PPP1R10: variants seen among roughly 807,000 people sequenced by gnomAD.
PPP1R10 encodes serine/threonine-protein phosphatase 1 regulatory subunit 10.
PPP1R10 carries 15 observed loss-of-function variants against 99.0 expected under a neutral mutation model. The observed-to-expected ratio is 0.15, with a 90% CI of 0.10 to 0.23. The LOEUF (loss-of-function observed/expected upper bound fraction) is 0.23, where lower values mean the gene tolerates loss of function less well. PPP1R10 is among the 10% of genes least tolerant of loss of function. PPP1R10 has a pLI of 1.00. For synonymous variants in PPP1R10, 430 were observed against 449.5 expected (o/e 0.96, Z 0.55); for missense variants, 947 against 1,259.4 (o/e 0.75, Z 3.75).
chr6:30,601,966 C>T lies in PPP1R10; in HGVS notation c.2683G>A (p.Gly895Arg), dbSNP rs1803361346. The T allele has an allele frequency of 6.6e-7, 1 of 1,512,156 alleles. No homozygotes were observed. Among genetic ancestry groups the T allele is most frequent in the South Asian group, 1.3e-5 (1 of 74,740 alleles). 93.7% of individuals were successfully genotyped at this position (1,512,156 alleles called of 1,614,324 possible). The part of the protein sequence containing the change: ...GPGHGGGGHR[G>R]HDGGHSHGGD... ...CCATGGCTGTGGCCTCCATCGTGCC[C>T]TCGGTGGCCCCCTCCCCCGTGGCCA... is the stretch of plus-strand genomic sequence containing the variant. Residue 895 changes from glycine to arginine, a missense_variant, in exon 19 of 20, where the codon GGG (glycine) becomes AGG (arginine). Gly to Arg is a moderately radical substitution (Grantham distance 125, BLOSUM62 -2). Around this residue, in one of 10 missense-constraint regions of PPP1R10, gnomAD observed 525 missense variants for 578.8 expected, o/e 0.91. Transcript: ENST00000376511.
At chr6:30,607,748 G>T in intron 6 of PPP1R10, 92 bp downstream of exon 6, 1 of 1,396,508 alleles carries the variant, frequency 7.2e-7, no homozygotes, top group Non-Finnish European at 1.0e-6. Flanking sequence ...AGAGAAAAGT[G>T]AAGGGACAAT....
rs752252904 is a variant in PPP1R10 at position 30,603,705 on chromosome 6, G to T, written c.1573-39C>A. 1.2e-5 allele frequency: 18 copies of T among 1,558,372 alleles called. No homozygotes were observed. In the Admixed American group the frequency reaches 1.8e-4, roughly 16 times the overall value. On this transcript the variant is annotated intron_variant, in intron 15 of 19. Transcript: ENST00000376511. ...AAAAAAAATCAGGATTGACAGAACA[G>T]AGACATTCTCATATGAAAGATGCAC...
At position 30,604,607 on chromosome 6, in the gene PPP1R10, G is replaced by A; in HGVS notation, c.1083C>T (p.Val361=). 2 of 1,613,032 alleles carry A rather than the reference G, an allele frequency of 1.2e-6. No homozygotes were observed. The highest frequency in any genetic ancestry group is 1.7e-6 in the Non-Finnish European group (2 of 1,180,030). The part of the protein sequence containing the change: ...RPGTPVPPVE[V]PELMDTASLE... The stretch of plus-strand genomic sequence containing the variant: ...GATTACCTGTATCCATGAGCTCCGG[G>A]ACTTCAACAGGGGGAACCGGGGTGC... The change falls in exon 12 of 20, where the codon GTC becomes GTT. Residue 361 remains valine (V), a synonymous_variant. Transcript: ENST00000376511. The surrounding 1 kb of genome is among the most constrained non-coding windows in gnomAD (Gnocchi z 7.3).
At chr6:30,607,983 CTTTTTTT>C in intron 5 of PPP1R10, 92 bp from the exon 6 acceptor site, 9 of 905,906 alleles carry the variant, frequency 9.9e-6, no homozygotes, top group Non-Finnish European at 1.5e-5. Flanking sequence ...GTCCTCCCTG[CTTTTTTT>C]TTTTTTTTTA....
At chr6:30,614,166 T>C (rs1019094526) in intron 2 of PPP1R10, among the ~76,000 whole-genome samples, 2 of 152,106 alleles carry the variant, frequency 1.3e-5, no homozygotes. Flanking sequence ...AGGGCATGGC[T>C]TCTGAACATG....
intron 2 of PPP1R10, 46 bp from the exon 3 acceptor site, chr6:30,610,001 G>A (rs1804391797): frequency 7.7e-7 from 1 of 1,301,494 alleles, no homozygotes; most frequent in Non-Finnish European, 1.1e-6. Flanking sequence ...ATAAATGGGT[G>A]GCAAGGACTA....
intron 2 of PPP1R10, 124 bp from the exon 3 acceptor site, chr6:30,610,079 A>C (rs1217099106): frequency 1.5e-6 from 1 of 663,436 alleles, no homozygotes; most frequent in Non-Finnish European, 2.7e-6. Flanking sequence ...TTATTCAACT[A>C]TGCTATTTTT....
chr6:30,607,959 C>T (rs1047478836), intron 5 of PPP1R10, 68 bp from the exon 6 acceptor site: 55 of 1,463,136 alleles, frequency 3.8e-5, no homozygotes, highest in South Asian at 7.2e-5. Context: ...GAGCTAAAAA[C>T]GACAAAAGTT....
chr6:30,603,533 T>C lies in PPP1R10; in HGVS notation c.1706A>G (p.Lys569Arg). 6.2e-7 allele frequency: 1 copy of C among 1,613,970 alleles called. No individual in the cohort carries two copies. Among genetic ancestry groups the C allele is most frequent in the Non-Finnish European group, 8.5e-7 (1 of 1,179,958 alleles). Residue 569 changes from lysine to arginine, a missense_variant, in exon 16 of 20, where the codon AAG becomes AGG. This residue lies in a region of PPP1R10 where 525 missense variants were observed against 578.8 expected (regional missense o/e 0.91). Transcript: ENST00000376511. ...ANLMGSMGAGKGPQGPGGGGI... is the reference protein window; with the variant it reads ...ANLMGSMGAGRGPQGPGGGGI... Reference sequence around the variant, plus strand: ...TCCTCCTCCAGGGCCTTGGGGGCCCTTTCCAGCACCCATGCTTCCCATAAG... The same window carrying C: ...TCCTCCTCCAGGGCCTTGGGGGCCCCTTCCAGCACCCATGCTTCCCATAAG...
Position 30,616,927 on chromosome 6 carries a change from G to A in PPP1R10, c.-461C>T, listed in dbSNP as rs1162515154. ...CCCCCTCTCTCAGGATCCTTTCAAG[G>A]GCTTAGATGTTGCTGCGGCTTGTTT... is the stretch of plus-strand genomic sequence containing the variant. On this transcript the variant is annotated 5_prime_UTR_variant, in exon 2 of 20. Transcript: ENST00000376511. The A allele has an allele frequency of 6.6e-6, 1 of 152,282 alleles. No individual in the cohort carries two copies. Among genetic ancestry groups the A allele is most frequent in the Non-Finnish European group, 1.5e-5 (1 of 68,084 alleles). The allele number at this position is 152,282 out of a possible 1,614,324, so 9.4% of individuals were successfully genotyped here.
At position 30,603,624 on chromosome 6, in the gene PPP1R10, G is replaced by A. The variant is rs1429245020; in HGVS notation, c.1615C>T (p.Pro539Ser). The A allele has an allele frequency of 1.2e-6, 2 of 1,612,952 alleles. No individual in the cohort carries two copies. Among genetic ancestry groups the A allele is most frequent in the Non-Finnish European group, 1.7e-6 (2 of 1,179,624 alleles). The change falls in exon 16 of 20, where the codon CCT (proline) becomes TCT (serine). Residue 539 changes from proline to serine, a missense_variant. By Grantham distance (74) the Pro-to-Ser change is moderately conservative. Around this residue, in one of 10 missense-constraint regions of PPP1R10, gnomAD observed 525 missense variants for 578.8 expected, o/e 0.91. Coordinates refer to ENST00000376511, the MANE Select transcript of PPP1R10 (RefSeq NM_002714.4). ...TCAGGTGAGCCACCTGACCCCCCAG[G>A]TTCCAGAGTCTCAACATACGGAGTC... The part of the protein sequence containing the change: ...DETPYVETLE[P>S]GGSGGSPDGA...
rs371858667 is a variant in PPP1R10, at chr6:30,606,457, G to A, written c.634+11C>T. 7.4e-6 allele frequency: 12 copies of A among 1,612,060 alleles called. No individual in the cohort carries two copies. Among genetic ancestry groups the A allele is most frequent in the African/African-American group, 4.0e-5 (3 of 74,808 alleles). ...CCCATGAACCCTCCAGAGGCCAGCC[G>A]CCAGTCTTACCAGTGGAACGGAACT... On this transcript the variant is annotated intron_variant, in intron 8 of 19. Coordinates refer to ENST00000376511, the MANE Select transcript of PPP1R10 (RefSeq NM_002714.4). This position sits in a 1 kb window ranked among gnomAD's most constrained non-coding sequence, Gnocchi z 6.3.
At chr6:30,610,883 G>C (rs1804485868) in intron 2 of PPP1R10, among the ~76,000 whole-genome samples, 1 of 152,180 alleles carries the variant, frequency 6.6e-6, no homozygotes, top group Non-Finnish European at 1.5e-5. Flanking sequence ...GTTGGGAAGG[G>C]AATTAGTTAA....
At chr6:30,613,621 C>A (rs549222931) in intron 2 of PPP1R10, among the ~76,000 whole-genome samples, 14 of 152,206 alleles carry the variant, frequency 9.2e-5, no homozygotes, top group Admixed American at 3.3e-4. Context: ...AATGATATAC[C>A]ACCCTGACTC....
In PPP1R10 at chr6:30,606,652, A is replaced by G; in HGVS notation, c.461-11T>C. The stretch of plus-strand genomic sequence containing the variant: ...TCTTCTTATCTTTCTCTGTTGTGAA[A>G]AAACAAAGCAGAAAAGGATTTTATT... On this transcript the variant is annotated splice_polypyrimidine_tract_variant and intron_variant, in intron 7 of 19. Coordinates refer to ENST00000376511, the MANE Select transcript of PPP1R10 (RefSeq NM_002714.4). The surrounding 1 kb of genome is among the most constrained non-coding windows in gnomAD (Gnocchi z 6.3). 1 of 1,614,018 alleles carries G rather than the reference A, an allele frequency of 6.2e-7. No homozygotes were observed. The highest frequency in any genetic ancestry group is 1.7e-5 in the Admixed American group (1 of 59,950).
In PPP1R10 at chr6:30,601,960, C is replaced by T. The variant is rs780162741; in HGVS notation, c.2689G>A (p.Asp897Asn). ...CCTCCTCCATGGCTGTGGCCTCCAT[C>T]GTGCCCTCGGTGGCCCCCTCCCCCG... The part of the protein sequence containing the change: ...GHGGGGHRGH[D>N]GGHSHGGDMS... The change falls in exon 19 of 20, where the codon GAT becomes AAT. Residue 897 changes from aspartate to asparagine, a missense_variant. By Grantham distance (23) the Asp-to-Asn change is conservative (BLOSUM62 1). Coordinates refer to ENST00000376511, the MANE Select transcript of PPP1R10 (RefSeq NM_002714.4). 12 of 1,511,482 alleles carry T rather than the reference C, an allele frequency of 7.9e-6. No individual in the cohort carries two copies. Among genetic ancestry groups the T allele is most frequent in the East Asian group, 2.3e-5 (1 of 43,818 alleles). 93.6% of individuals were successfully genotyped at this position (1,511,482 alleles called of 1,614,324 possible).
At position 30,602,746 on chromosome 6, in the gene PPP1R10, CA is replaced by C; in HGVS notation, c.1958-56del. 1 of 1,575,772 alleles carries C rather than the reference CA, an allele frequency of 6.3e-7. No homozygotes were observed. Among genetic ancestry groups the C allele is most frequent in the Non-Finnish European group, 8.6e-7 (1 of 1,158,768 alleles). On this transcript the variant is annotated intron_variant, in intron 18 of 19. Coordinates refer to ENST00000376511, the MANE Select transcript of PPP1R10 (RefSeq NM_002714.4). The surrounding 1 kb of genome is among the most constrained non-coding windows in gnomAD (Gnocchi z 6.7). Reference sequence around the variant, plus strand: ...TCAGCTACCAGGAACTGCCATCTCCCAACCTAAACCACCACCTCCCACCTTC... The same window carrying C: ...TCAGCTACCAGGAACTGCCATCTCCCACCTAAACCACCACCTCCCACCTTC...
chr6:30,601,819 CAA>C, intron 19 of PPP1R10, 115 bp downstream of exon 19: 8 of 1,368,874 alleles, frequency 5.8e-6, no homozygotes, highest in Non-Finnish European at 4.9e-6. Flanking sequence ...ACTAGGACAT[CAA>C]AGAGACGGGT....
chr6:30,606,013 C>T lies in PPP1R10; in HGVS notation c.763G>A (p.Ala255Thr). The change falls in exon 10 of 20, where the codon GCC (alanine) becomes ACC (threonine). Residue 255 changes from alanine (A) to threonine (T), a missense_variant. Around this residue, in one of 10 missense-constraint regions of PPP1R10, gnomAD observed 39 missense variants for 34.4 expected, o/e 1.14. Transcript: ENST00000376511. This position sits in a 1 kb window ranked among gnomAD's most constrained non-coding sequence, Gnocchi z 6.3. ...TATTTCTTCTCTGCAGGGGGAGTGGCATCTCCTGGAGCAGCTACGTTGCTG... is the reference window on the plus strand; with the variant it reads ...TATTTCTTCTCTGCAGGGGGAGTGGTATCTCCTGGAGCAGCTACGTTGCTG... ...RQSNVAAPGD[A>T]TPPAEKKYKP... 6.2e-7 allele frequency: 1 copy of T among 1,614,014 alleles called. No homozygotes were observed. The highest frequency in any genetic ancestry group is 8.5e-7 in the Non-Finnish European group (1 of 1,179,962).
Sources: allele counts gnomAD v4.1 joint callset (sites outside exome capture counted in the v4.1 genomes callset), GRCh38; gene constraint gnomAD v4.1.1; regional missense constraint gnomAD v4.1.1; non-coding constraint Gnocchi (gnomAD v3.1); transcripts MANE v1.5; gene names NCBI Gene and HGNC (gene_info 2026-07-23, HGNC 2026-07-21).